OR4N2: variants seen among roughly 807,000 people sequenced by gnomAD.
OR4N2 encodes the protein olfactory receptor family 4 subfamily N member 2.
For missense variants in OR4N2, 307 were observed against 377.6 expected, an observed-to-expected ratio of 0.81 and a Z score of 1.55; for synonymous variants, 141 against 140.4, an observed-to-expected ratio of 1.00 and a Z score of -0.03.
At chr14:19,810,533 GCA>G (rs1226132709) in intron 1 of OR4N2, among the ~76,000 whole-genome samples, 1 of 152,192 alleles carries the variant, frequency 6.6e-6, no homozygotes. Context: ...AAAGACATAT[GCA>G]CACATATGTT....
chr14:19,812,447 A>T (rs1477540548), intron 1 of OR4N2, among the ~76,000 whole-genome samples: 1 of 151,224 alleles, frequency 6.6e-6, no homozygotes, highest in Non-Finnish European at 1.5e-5. Context: ...CTCCTGCCTC[A>T]GCCTCCCGAG....
chr14:19,827,749 C>G lies in OR4N2; in HGVS notation c.301C>G (p.Leu101Val), dbSNP rs1023983438. 2.5e-6 allele frequency: 4 copies of G among 1,614,144 alleles called. No individual in the cohort carries two copies. Among genetic ancestry groups the G allele is most frequent in the Non-Finnish European group, 3.4e-6 (4 of 1,180,052 alleles). The change falls in exon 2 of 2, where the codon CTC (leucine) becomes GTC (valine). Residue 101 changes from leucine to valine, a missense_variant. Transcript: ENST00000557677. ...IISYRGCITQLFFLHFLGGGE... is the reference protein window; with the variant it reads ...IISYRGCITQVFFLHFLGGGE... ...CTCCTACAGAGGCTGCATCACTCAG[C>G]TCTTTTTCTTGCACTTCCTTGGAGG...
intron 1 of OR4N2, among the ~76,000 whole-genome samples, chr14:19,810,961 T>C (rs1424692025): frequency 6.6e-6 from 1 of 152,208 alleles, no homozygotes; most frequent in South Asian, 2.1e-4. Context: ...AAAATCTAAA[T>C]AGGAATATAT....
intron 1 of OR4N2, among the ~76,000 whole-genome samples, chr14:19,806,500 G>A (rs576431350): frequency 9.2e-5 from 14 of 152,202 alleles, no homozygotes; most frequent in Admixed American, 3.9e-4. Context: ...AATGATAAAG[G>A]GTTCAATTCA....
chr14:19,824,720 T>C (rs182083060), intron 1 of OR4N2, among the ~76,000 whole-genome samples: 2 of 152,398 alleles, frequency 1.3e-5, no homozygotes, highest in African/African-American at 4.8e-5. Flanking sequence ...GCATTTCCAC[T>C]TAATGAACAG....
intron 1 of OR4N2, among the ~76,000 whole-genome samples, chr14:19,815,860 T>G (rs1879414833): frequency 6.6e-6 from 1 of 152,258 alleles, no homozygotes; most frequent in African/African-American, 2.4e-5. Context: ...TAGTCCATCT[T>G]GAGTTAATTT....
chr14:19,811,159 T>C (rs1879285316), intron 1 of OR4N2, among the ~76,000 whole-genome samples: 1 of 152,278 alleles, frequency 6.6e-6, no homozygotes, highest in African/African-American at 2.4e-5. Flanking sequence ...ATTACCCTGA[T>C]ACCAAAATCT....
intron 1 of OR4N2, among the ~76,000 whole-genome samples, chr14:19,814,630 T>G (rs1471394579): frequency 2.0e-5 from 3 of 152,266 alleles, no homozygotes; most frequent in Non-Finnish European, 4.4e-5. Context: ...TTGAGCCATG[T>G]TGGAACCTGA....
chr14:19,811,364 A>G (rs139307015), intron 1 of OR4N2, among the ~76,000 whole-genome samples: 2,531 of 151,976 alleles, frequency 0.017, 33 homozygotes, highest in African/African-American at 0.057. Flanking sequence ...CTCCTGCCTC[A>G]GCCTCCCAAA....
At chr14:19,807,812 G>T (rs1879201739) in intron 1 of OR4N2, among the ~76,000 whole-genome samples, 1 of 152,166 alleles carries the variant, frequency 6.6e-6, no homozygotes, top group Non-Finnish European at 1.5e-5. Context: ...TATCCCTGAT[G>T]AATACAGATG....
At chr14:19,813,770 C>T (rs1879358637) in intron 1 of OR4N2, among the ~76,000 whole-genome samples, 1 of 151,926 alleles carries the variant, frequency 6.6e-6, no homozygotes, top group Admixed American at 6.6e-5. Context: ...CTTCTGAATT[C>T]CTTGGATAAG....
Position 19,805,187 on chromosome 14 carries a change from A to G in OR4N2, c.-10+1343A>G, listed in dbSNP as rs192988001. On this transcript the variant is annotated intron_variant, in intron 1 of 1. Coordinates refer to ENST00000557677, the MANE Select transcript of OR4N2 (RefSeq NM_001004723.3). Reference sequence around the variant, plus strand: ...GCCTTTTAATTGAAGCATTTAACTCATTTACATTCAAGGTCATTCAAGGTT... The same window carrying G: ...GCCTTTTAATTGAAGCATTTAACTCGTTTACATTCAAGGTCATTCAAGGTT... Among the ~76,000 whole-genome samples the G allele has an allele frequency of 3.3e-5, 5 of 152,280 alleles. No homozygotes were observed. The East Asian group carries it at 9.7e-4, about 29-fold the overall frequency.
chr14:19,813,997 T>A (rs1186085008), intron 1 of OR4N2, among the ~76,000 whole-genome samples: 1 of 152,090 alleles, frequency 6.6e-6, no homozygotes, highest in African/African-American at 2.4e-5. Flanking sequence ...ACTCTTACAC[T>A]TTGTTTTTGA....
At chr14:19,805,854 C>G (rs1429458554) in intron 1 of OR4N2, among the ~76,000 whole-genome samples, 2 of 152,114 alleles carry the variant, frequency 1.3e-5, no homozygotes, top group African/African-American at 4.8e-5. Context: ...GAAGGGAACC[C>G]CATCAGGCTA....
intron 1 of OR4N2, among the ~76,000 whole-genome samples, chr14:19,821,091 G>A (rs1378116528): frequency 6.6e-6 from 1 of 152,384 alleles, no homozygotes; most frequent in South Asian, 2.1e-4. Context: ...TGGTCTGCAG[G>A]TTGCAAAAAC....
At chr14:19,811,688 G>T (rs753321883) in intron 1 of OR4N2, among the ~76,000 whole-genome samples, 5 of 152,276 alleles carry the variant, frequency 3.3e-5, no homozygotes, top group Non-Finnish European at 7.3e-5. Flanking sequence ...TTCACTGAAT[G>T]AAGGTGGAAA....
chr14:19,824,053 T>C (rs1319639423), intron 1 of OR4N2, among the ~76,000 whole-genome samples: 1 of 152,214 alleles, frequency 6.6e-6, no homozygotes, highest in East Asian at 1.9e-4. Flanking sequence ...CAGAAACTGA[T>C]CAATGCACGA....
chr14:19,819,179 C>T (rs556653861), intron 1 of OR4N2, among the ~76,000 whole-genome samples: 6 of 152,246 alleles, frequency 3.9e-5, no homozygotes, highest in African/African-American at 7.2e-5. Context: ...TTGCTCTTCT[C>T]GGGGAGTATC....
chr14:19,812,324 CTTTTCTTTT>C (rs1440580550), intron 1 of OR4N2, among the ~76,000 whole-genome samples: 1 of 98,180 alleles, frequency 1.0e-5, no homozygotes, highest in Non-Finnish European at 2.2e-5. Context: ...CTTTTCTTTT[CTTTTCTTTT>C]TTTTTTTTTT....
Sources: gnomAD v4.1 joint callset for allele counts (sites outside exome capture counted in the v4.1 genomes callset) on GRCh38, gnomAD v4.1.1 for gene constraint, MANE v1.5 for transcripts, NCBI Gene and HGNC (gene_info 2026-07-23, HGNC 2026-07-21) for gene names.